RNF150: variants seen among roughly 807,000 people sequenced by gnomAD.
RNF150 encodes ring finger protein 150.
In RNF150, 24 loss-of-function variants were observed where a neutral mutation model predicts 39.3. That is an observed-to-expected ratio of 0.61 (90% CI 0.44 to 0.86). The LOEUF (loss-of-function observed/expected upper bound fraction) is 0.86, where lower values mean the gene tolerates loss of function less well. Ranked by LOEUF, RNF150 falls within the 40% of genes least tolerant of loss-of-function variation. The pLI is 0.00. For synonymous variants in RNF150, 255 were observed against 227.3 expected (o/e 1.12, Z -1.10); for missense variants, 502 against 587.8 (o/e 0.85, Z 1.51).
intron 2 of RNF150, among the ~76,000 whole-genome samples, chr4:140,964,257 T>C (rs1733149734): frequency 6.6e-6 from 1 of 152,138 alleles, no homozygotes; most frequent in African/African-American, 2.4e-5. Context: ...GCTCTATTAG[T>C]AACCAGCTGT....
chr4:140,879,849 CT>C (rs1162340543), intron 6 of RNF150, among the ~76,000 whole-genome samples: 1 of 152,026 alleles, frequency 6.6e-6, no homozygotes, highest in Non-Finnish European at 1.5e-5. Context: ...CACCTAGAAA[CT>C]TTGACTTTGC....
chr4:140,919,586 A>C (rs1227698614), intron 5 of RNF150, among the ~76,000 whole-genome samples: 6 of 150,802 alleles, frequency 4.0e-5, no homozygotes, highest in African/African-American at 2.4e-5. Context: ...AGGAAGAATC[A>C]ATATCGTGAA....
intron 4 of RNF150, among the ~76,000 whole-genome samples, chr4:140,928,676 A>T (rs35491290): frequency 0.13 from 19,637 of 152,080 alleles, 1,468 homozygotes; most frequent in Admixed American, 0.21. Flanking sequence ...CCTCCTGAGT[A>T]GCTGGGACTA....
chr4:141,200,093 CA>C (rs1728267265), intron 1 of RNF150, among the ~76,000 whole-genome samples: 1 of 152,110 alleles, frequency 6.6e-6, no homozygotes, highest in Non-Finnish European at 1.5e-5. Context: ...GCTACTGTAA[CA>C]AGATACTGGA....
rs78097974 is a variant in RNF150 at position 141,062,684 on chromosome 4, C to T, written c.484+69641G>A. On this transcript the variant is annotated intron_variant, in intron 1 of 6. Transcript: ENST00000515673. ...TATATTCTTAATTTTATAATTTCAA[C>T]GTGCATTTTAGATTCTGGTAATACA... 2.8e-3 allele frequency among the ~76,000 whole-genome samples: 424 copies of T among 152,216 alleles called. 12 individuals carry two copies. The East Asian group carries it at 0.07, about 25-fold the overall frequency.
At chr4:141,201,579 C>A (rs1728293334) in intron 1 of RNF150, among the ~76,000 whole-genome samples, 1 of 151,938 alleles carries the variant, frequency 6.6e-6, no homozygotes, top group Non-Finnish European at 1.5e-5. Flanking sequence ...TCTGGATGTG[C>A]CACCTCCTCA....
chr4:141,051,166 A>G (rs1457470294), intron 1 of RNF150, among the ~76,000 whole-genome samples: 2 of 152,128 alleles, frequency 1.3e-5, no homozygotes, highest in Non-Finnish European at 2.9e-5. Context: ...GGCTGGAGCG[A>G]CTGGGATGCA....
intron 4 of RNF150, among the ~76,000 whole-genome samples, chr4:140,932,610 TCTTTGCTCCAG>T (rs1168453784): frequency 2.0e-5 from 3 of 152,180 alleles, no homozygotes; most frequent in Non-Finnish European, 2.9e-5. Context: ...CCAGTGTATT[TCTTTGCTCCAG>T]CTTAGCCTCT....
At chr4:140,993,932 G>T (rs1447701080) in intron 1 of RNF150, among the ~76,000 whole-genome samples, 1 of 152,148 alleles carries the variant, frequency 6.6e-6, no homozygotes, top group Admixed American at 6.5e-5. Context: ...GGGGGACCTG[G>T]TACATTGTGG....
At chr4:141,057,981 A>T (rs894549274) in intron 1 of RNF150, among the ~76,000 whole-genome samples, 2 of 152,204 alleles carry the variant, frequency 1.3e-5, no homozygotes, top group African/African-American at 4.8e-5. Context: ...CTTTAGCATT[A>T]ATAGCAAGCT....
intron 1 of RNF150, among the ~76,000 whole-genome samples, chr4:141,210,482 T>A (rs1728444340): frequency 8.0e-6 from 1 of 124,558 alleles, no homozygotes; most frequent in South Asian, 3.0e-4. Context: ...GGTTGCAGTT[T>A]CAGCTTTTTT....
intron 1 of RNF150, among the ~76,000 whole-genome samples, chr4:141,089,390 G>T (rs1168612257): frequency 6.6e-6 from 1 of 152,160 alleles, no homozygotes; most frequent in Non-Finnish European, 1.5e-5. Context: ...GAGGAGAGGG[G>T]TCTTGGATTC....
At chr4:141,212,531 A>G (rs968265571) in intron 1 of RNF150, among the ~76,000 whole-genome samples, 1 of 151,988 alleles carries the variant, frequency 6.6e-6, no homozygotes, top group African/African-American at 2.4e-5. Context: ...GATTTTTCCC[A>G]CCCTACTTAG....
intron 5 of RNF150, among the ~76,000 whole-genome samples, chr4:140,913,892 A>G (rs955872481): frequency 6.6e-6 from 1 of 152,208 alleles, no homozygotes; most frequent in Non-Finnish European, 1.5e-5. Flanking sequence ...GAAAAACTGT[A>G]AAGTTCTATT....
At chr4:141,025,712 T>C (rs1261817074) in intron 1 of RNF150, among the ~76,000 whole-genome samples, 2 of 152,312 alleles carry the variant, frequency 1.3e-5, no homozygotes, top group East Asian at 3.9e-4. Flanking sequence ...AAATTTCTTC[T>C]AAGAATAGGA....
chr4:140,951,392 T>C (rs1398982453), intron 2 of RNF150, among the ~76,000 whole-genome samples: 1 of 152,128 alleles, frequency 6.6e-6, no homozygotes, highest in Non-Finnish European at 1.5e-5. Flanking sequence ...AGTATAGCTT[T>C]GGGTTTAAAA....
chr4:140,901,839 G>C lies in RNF150; in HGVS notation c.1198+9305C>G, dbSNP rs529601407. Reference sequence around the variant, plus strand: ...ATATCTCAGAGAATACAGCAGATGAGATGTGCTTGAAGGATACATAGGATT... The same window carrying C: ...ATATCTCAGAGAATACAGCAGATGACATGTGCTTGAAGGATACATAGGATT... On this transcript the variant is annotated intron_variant, in intron 6 of 6. Transcript: ENST00000515673. Among the ~76,000 whole-genome samples, 6 of 152,312 alleles carry C rather than the reference G, an allele frequency of 3.9e-5. 1 individual carries two copies. In the South Asian group the frequency reaches 1.2e-3, roughly 32 times the overall value.
chr4:141,040,190 G>A (rs1441962546), intron 1 of RNF150, among the ~76,000 whole-genome samples: 1 of 145,142 alleles, frequency 6.9e-6, no homozygotes, highest in Non-Finnish European at 1.5e-5. Context: ...CACACATGTT[G>A]TAGAGCAAAA....
chr4:140,918,331 T>C (rs1046638874), intron 5 of RNF150, among the ~76,000 whole-genome samples: 2 of 151,842 alleles, frequency 1.3e-5, no homozygotes, highest in Admixed American at 6.6e-5. Context: ...AAGAATCAAA[T>C]AGACGCAATA....
Sources: allele counts gnomAD v4.1 joint callset (sites outside exome capture counted in the v4.1 genomes callset), GRCh38; gene constraint gnomAD v4.1.1; transcripts MANE v1.5; gene names NCBI Gene and HGNC (gene_info 2026-07-23, HGNC 2026-07-21).